SAMD5: variants seen among roughly 807,000 people sequenced by gnomAD.
SAMD5 encodes the protein sterile alpha motif domain containing 5.
SAMD5 carries 13 observed loss-of-function variants against 11.3 expected under a neutral mutation model. The ratio of observed to expected loss-of-function variants is 1.15; its 90% CI spans 0.75 to 1.83. The LOEUF (loss-of-function observed/expected upper bound fraction) is 1.83, where lower values mean the gene tolerates loss of function less well. Among genes scored for constraint, SAMD5 ranks in the 40% most tolerant of loss-of-function variants. The pLI, the probability that SAMD5 is intolerant of heterozygous loss-of-function variation, is 0.00. For missense variants in SAMD5, 255 were observed against 239.1 expected (o/e 1.07, Z -0.44); for synonymous variants, 129 against 111.3 (o/e 1.16, Z -1.00).
chr6:147,603,332 G>T (rs1160626643), intron 1 of SAMD5, among the ~76,000 whole-genome samples: 2 of 152,148 alleles, frequency 1.3e-5, no homozygotes, highest in African/African-American at 4.8e-5. Flanking sequence ...GAGCATGGAG[G>T]TATATATAGA....
chr6:147,818,630 A>G, the SAMD5 span, among the ~76,000 whole-genome samples: 5 of 152,194 alleles, frequency 3.3e-5, no homozygotes, highest in African/African-American at 4.8e-5. Context: ...TCCAGGATCT[A>G]GGAAAATCAC....
At chr6:147,863,065 G>A in the SAMD5 span, among the ~76,000 whole-genome samples, 11 of 152,264 alleles carry the variant, frequency 7.2e-5, no homozygotes, top group South Asian at 1.9e-3. Flanking sequence ...ATTTTTAAAT[G>A]ATTTCCCCTT....
chr6:147,649,334 C>T (rs1008007910), intron 1 of SAMD5, among the ~76,000 whole-genome samples: 5 of 152,106 alleles, frequency 3.3e-5, no homozygotes, highest in Non-Finnish European at 5.9e-5. Context: ...GCTTAGCTGA[C>T]TTCCAATTTG....
At position 147,711,484 on chromosome 6, in the gene SAMD5, T is replaced by C. The variant is rs968399646; in HGVS notation, c.163-25833T>C. Among the ~76,000 whole-genome samples the C allele has an allele frequency of 1.3e-5, 2 of 152,222 alleles. No individual in the cohort carries two copies. The highest frequency in any genetic ancestry group is 2.4e-5 in the African/African-American group (1 of 41,460). Reference sequence around the variant, plus strand: ...CTCATTAGCCAAGATTCCTGCACTTTAGGCTGAAATAGAAAGAAGCTCAAA... The same window carrying C: ...CTCATTAGCCAAGATTCCTGCACTTCAGGCTGAAATAGAAAGAAGCTCAAA... On this transcript the variant is annotated intron_variant, in intron 1 of 1. Coordinates refer to the SAMD5 transcript ENST00000566741. This position sits in a 1 kb window ranked among gnomAD's most constrained non-coding sequence, Gnocchi z 4.1.
chr6:147,779,109 C>T, the SAMD5 span, among the ~76,000 whole-genome samples: 2 of 151,704 alleles, frequency 1.3e-5, no homozygotes, highest in Non-Finnish European at 2.9e-5. Context: ...ATTGAGCAAA[C>T]TTCTTAATAA....
At chr6:147,705,459 C>G (rs1243990880) in intron 1 of SAMD5, among the ~76,000 whole-genome samples, 1 of 151,988 alleles carries the variant, frequency 6.6e-6, no homozygotes, top group Non-Finnish European at 1.5e-5. Context: ...TCATTTTATG[C>G]TATCATATTA....
intron 1 of SAMD5, among the ~76,000 whole-genome samples, chr6:147,576,057 CTA>C (rs1435802973): frequency 8.5e-5 from 13 of 152,130 alleles, no homozygotes; most frequent in African/African-American, 3.1e-4. Context: ...GCAAGAAATA[CTA>C]TGTTTTCATT....
chr6:147,917,481 C>T, the SAMD5 span, among the ~76,000 whole-genome samples: 61 of 152,062 alleles, frequency 4.0e-4, no homozygotes, highest in Admixed American at 1.2e-3. Flanking sequence ...AAGTAGGTTG[C>T]GAAAATTTTC....
Position 147,675,260 on chromosome 6 carries a change from T to C in SAMD5, c.163-62057T>C, listed in dbSNP as rs1267749605. On this transcript the variant is annotated intron_variant, in intron 1 of 1. Coordinates refer to the SAMD5 transcript ENST00000566741. Reference sequence around the variant, plus strand: ...CTATCATTCTAATAGGGAGAATAAATGCTTTAATTATGACTGAAGCAGAGT... The same window carrying C: ...CTATCATTCTAATAGGGAGAATAAACGCTTTAATTATGACTGAAGCAGAGT... 6.6e-5 allele frequency among the ~76,000 whole-genome samples: 10 copies of C among 152,180 alleles called. 1 individual carries two copies. The East Asian group carries it at 1.7e-3, about 26-fold the overall frequency.
the SAMD5 span, among the ~76,000 whole-genome samples, chr6:147,878,265 T>A: frequency 1.3e-5 from 2 of 151,978 alleles, no homozygotes; most frequent in Non-Finnish European, 2.9e-5. Flanking sequence ...ATAGCCATAT[T>A]TTCACTGCTG....
chr6:147,871,194 T>G, the SAMD5 span, among the ~76,000 whole-genome samples: 1 of 152,228 alleles, frequency 6.6e-6, no homozygotes, highest in African/African-American at 2.4e-5. Flanking sequence ...TTAAGATAAT[T>G]TAATTAGAAA....
At chr6:147,861,741 A>G in the SAMD5 span, among the ~76,000 whole-genome samples, 9 of 152,116 alleles carry the variant, frequency 5.9e-5, no homozygotes, top group Non-Finnish European at 1.3e-4. Flanking sequence ...CCATACCCTG[A>G]CTTTCCTTTC....
In SAMD5 at chr6:147,508,786, C is replaced by T. The variant is rs1788032029; in HGVS notation, c.-143C>T. 5.4e-6 allele frequency: 7 copies of T among 1,295,812 alleles called. No homozygotes were observed. The highest frequency in any genetic ancestry group is 7.1e-6 in the Non-Finnish European group (7 of 980,654). The allele number at this position is 1,295,812 out of a possible 1,614,324, so 80.3% of individuals were successfully genotyped here. A position where few individuals can be genotyped will look rare whatever the true frequency, so the allele number is the denominator to read the frequency against. ...TCTTCTGATGGTTTTCCGTCTCCTG[C>T]CCGAGCCTTTCCTTTAAAAGGAAAA... On this transcript the variant is annotated 5_prime_UTR_variant, in exon 1 of 2. Transcript: ENST00000367474.
At chr6:147,521,609 G>A (rs1788256286) in intron 1 of SAMD5, among the ~76,000 whole-genome samples, 2 of 152,104 alleles carry the variant, frequency 1.3e-5, no homozygotes, top group Middle Eastern at 3.4e-3. Context: ...CTATAAAATG[G>A]ATGTAATATT....
intron 1 of SAMD5, among the ~76,000 whole-genome samples, chr6:147,582,332 C>G (rs1015712041): frequency 1.4e-3 from 128 of 89,156 alleles, no homozygotes; most frequent in Non-Finnish European, 2.4e-3. Context: ...CGCACCCCCC[C>G]ACCAAAAAAA....
At chr6:147,618,770 C>T (rs552242127) in intron 1 of SAMD5, among the ~76,000 whole-genome samples, 1 of 152,332 alleles carries the variant, frequency 6.6e-6, no homozygotes, top group East Asian at 1.9e-4. Flanking sequence ...AAAGAAACCA[C>T]CCAAGTTTGT....
the SAMD5 span, among the ~76,000 whole-genome samples, chr6:147,878,608 T>C: frequency 1.4e-5 from 2 of 146,800 alleles, no homozygotes; most frequent in Non-Finnish European, 1.5e-5. Context: ...TATATATCTA[T>C]ATAGATATAT....
At chr6:147,602,741 C>A in intron 1 of SAMD5, among the ~76,000 whole-genome samples, 1 of 148,768 alleles carries the variant, frequency 6.7e-6, no homozygotes. Flanking sequence ...GAGACTCTGT[C>A]TCAAAAAACA....
At chr6:147,895,894 T>G in the SAMD5 span, among the ~76,000 whole-genome samples, 1 of 152,194 alleles carries the variant, frequency 6.6e-6, no homozygotes, top group Non-Finnish European at 1.5e-5. Context: ...AAATGTTGTC[T>G]TCAAAGACAA....
Sources: gnomAD v4.1 joint callset for allele counts (sites outside exome capture counted in the v4.1 genomes callset) on GRCh38, gnomAD v4.1.1 for gene constraint, Gnocchi (gnomAD v3.1) non-coding constraint, MANE v1.5 for transcripts, NCBI Gene and HGNC (gene_info 2026-07-23, HGNC 2026-07-21) for gene names.